The following PTPRQ variants were observed in gnomAD, a reference collection of about 807,000 sequenced individuals.
The protein encoded by PTPRQ is phosphatidylinositol phosphatase PTPRQ.
Under a neutral mutation model 246.0 loss-of-function variants are expected in PTPRQ, and 199 were observed. That is an observed-to-expected ratio of 0.81 (90% CI 0.72 to 0.91). The LOEUF is 0.91. PTPRQ is among the 40% of genes least tolerant of loss of function. The probability of loss-of-function intolerance (pLI) is 0.00; values close to 1 mark genes in which losing one functional copy is unlikely to be tolerated. For missense variants in PTPRQ, 2,624 were observed against 2,528.4 expected, an observed-to-expected ratio of 1.04 and a Z score of -0.81; for synonymous variants, 869 against 853.2, an observed-to-expected ratio of 1.02 and a Z score of -0.32.
At chr12:80,658,951 G>T (rs1320056249) in intron 39 of PTPRQ, among the ~76,000 whole-genome samples, 1 of 151,862 alleles carries the variant, frequency 6.6e-6, no homozygotes, top group Admixed American at 6.6e-5. Context: ...CTTGTGCTGT[G>T]TCTCATTCCC....
intron 35 of PTPRQ, among the ~76,000 whole-genome samples, chr12:80,643,405 T>C (rs1899960040): frequency 6.7e-6 from 1 of 150,030 alleles, no homozygotes; most frequent in Non-Finnish European, 1.5e-5. Context: ...ACCATTGCAC[T>C]CCAGCCTGGG....
chr12:80,522,676 C>T (rs1895539954), intron 17 of PTPRQ, among the ~76,000 whole-genome samples: 1 of 152,092 alleles, frequency 6.6e-6, no homozygotes, highest in Non-Finnish European at 1.5e-5. Context: ...TATTGATTTG[C>T]ATATGTGGAG....
At chr12:80,444,892 A>G in intron 2 of PTPRQ, 43 bp downstream of exon 2, 1 of 1,462,082 alleles carries the variant, frequency 6.8e-7, no homozygotes, top group Non-Finnish European at 9.1e-7. Flanking sequence ...AAGTATTTGG[A>G]GTCAGTATAA....
At chr12:80,670,318 A>G in intron 41 of PTPRQ, 26 bp from the exon 42 acceptor site, 1 of 1,546,106 alleles carries the variant, frequency 6.5e-7, no homozygotes, top group Non-Finnish European at 8.7e-7. Flanking sequence ...TAATTTTGTC[A>G]TTCATTAATC....
intron 37 of PTPRQ, among the ~76,000 whole-genome samples, chr12:80,650,915 C>A (rs1370701901): frequency 6.6e-6 from 1 of 151,900 alleles, no homozygotes; most frequent in African/African-American, 2.4e-5. Context: ...TTGTCTAATG[C>A]TTTGTTAAGA....
At chr12:80,536,597 T>C (rs535065715) in intron 19 of PTPRQ, among the ~76,000 whole-genome samples, 38 of 152,338 alleles carry the variant, frequency 2.5e-4, no homozygotes, top group African/African-American at 9.1e-4. Flanking sequence ...TAGATATAGT[T>C]ACAGATGTAA....
intron 6 of PTPRQ, among the ~76,000 whole-genome samples, chr12:80,466,940 G>C (rs1000273208): frequency 2.6e-5 from 4 of 152,134 alleles, no homozygotes; most frequent in African/African-American, 9.7e-5. Context: ...TCAGGACATA[G>C]GCATGGGCAA....
intron 17 of PTPRQ, among the ~76,000 whole-genome samples, chr12:80,529,308 A>AATC: frequency 1.3e-5 from 2 of 152,308 alleles, no homozygotes; most frequent in African/African-American, 4.8e-5. Context: ...TGAAAGGATT[A>AATC]ATCTACAACA....
At chr12:80,630,779 C>T (rs529846371) in intron 33 of PTPRQ, among the ~76,000 whole-genome samples, 3 of 152,224 alleles carry the variant, frequency 2.0e-5, no homozygotes, top group South Asian at 2.1e-4. Context: ...TGCAGTGGCA[C>T]GATGTCGGCT....
Position 80,669,058 on chromosome 12 carries a change from A to T in PTPRQ, c.6244A>T (p.Thr2082Ser). The T allele has an allele frequency of 6.4e-7, 1 of 1,550,592 alleles. No individual in the cohort carries two copies. Among genetic ancestry groups the T allele is most frequent in the East Asian group, 2.4e-5 (1 of 40,818 alleles). ...TGCTACTCAAGGTCCACTACCAGGA[A>T]CAGTTGGAGATTTTTGGAGAATGGT... Reference protein sequence around the residue: ...FIATQGPLPGTVGDFWRMVWE... With the variant: ...FIATQGPLPGSVGDFWRMVWE... Residue 2082 changes from threonine to serine, a missense_variant, in exon 40 of 45, where the codon ACA becomes TCA. Transcript: ENST00000644991.
At chr12:80,529,807 G>T (rs1252175785) in intron 17 of PTPRQ, among the ~76,000 whole-genome samples, 1 of 151,982 alleles carries the variant, frequency 6.6e-6, no homozygotes, top group African/African-American at 2.4e-5. Flanking sequence ...TAATTTCAAA[G>T]TAATTAAATT....
intron 25 of PTPRQ, among the ~76,000 whole-genome samples, chr12:80,570,424 G>C (rs971877410): frequency 4.0e-5 from 6 of 151,154 alleles, no homozygotes; most frequent in African/African-American, 1.5e-4. Context: ...CATTTTGATG[G>C]GGTTGTTTGT....
At chr12:80,471,329 T>C (rs1893617844) in intron 7 of PTPRQ, among the ~76,000 whole-genome samples, 1 of 151,952 alleles carries the variant, frequency 6.6e-6, no homozygotes, top group South Asian at 2.1e-4. Flanking sequence ...AGTTTGTAGT[T>C]AGAGCAAGAA....
intron 17 of PTPRQ, among the ~76,000 whole-genome samples, chr12:80,522,045 T>G (rs961622736): frequency 2.6e-5 from 4 of 152,188 alleles, no homozygotes; most frequent in Non-Finnish European, 5.9e-5. Context: ...CATTGAGCAG[T>G]GGTTTGTAGT....
intron 17 of PTPRQ, among the ~76,000 whole-genome samples, chr12:80,532,272 G>A (rs1250198886): frequency 2.0e-5 from 3 of 151,964 alleles, no homozygotes; most frequent in Admixed American, 2.0e-4. Context: ...TGCCCAGGCT[G>A]GAGTGCAGTT....
At chr12:80,628,226 T>C (rs1387566027) in intron 33 of PTPRQ, among the ~76,000 whole-genome samples, 6 of 152,160 alleles carry the variant, frequency 3.9e-5, no homozygotes, top group Admixed American at 6.6e-5. Context: ...TAAAATACTT[T>C]AGGTGATACA....
intron 17 of PTPRQ, 72 bp downstream of exon 17, chr12:80,510,515 T>G: frequency 1.5e-6 from 2 of 1,333,756 alleles, no homozygotes; most frequent in Non-Finnish European, 2.0e-6. Flanking sequence ...ATGTAGCTTT[T>G]AGATTTCAGA....
intron 19 of PTPRQ, among the ~76,000 whole-genome samples, chr12:80,536,181 T>C (rs796797620): frequency 2.6e-5 from 4 of 152,376 alleles, no homozygotes; most frequent in African/African-American, 9.6e-5. Context: ...GTAGAAATTA[T>C]TGACCACATG....
intron 42 of PTPRQ, among the ~76,000 whole-genome samples, chr12:80,672,024 A>T (rs1362469608): frequency 6.6e-6 from 1 of 152,012 alleles, no homozygotes; most frequent in Admixed American, 6.6e-5. Flanking sequence ...GTGCTCCCTA[A>T]CCTTATGCTA....
Sources: allele counts gnomAD v4.1 joint callset (sites outside exome capture counted in the v4.1 genomes callset), GRCh38; gene constraint gnomAD v4.1.1; transcripts MANE v1.5; gene names NCBI Gene and HGNC (gene_info 2026-07-23, HGNC 2026-07-21).